Variants in DPP10 observed in about 807,000 individuals in gnomAD.
DPP10 encodes inactive dipeptidyl peptidase 10.
In DPP10, 33 loss-of-function variants were observed where a neutral mutation model predicts 120.9. The observed-to-expected ratio is 0.27, with a 90% CI of 0.21 to 0.37. The LOEUF (loss-of-function observed/expected upper bound fraction) is 0.37, where lower values mean the gene tolerates loss of function less well. Ranked by LOEUF, DPP10 falls within the 10% of genes least tolerant of loss-of-function variation. The pLI, the probability that DPP10 is intolerant of heterozygous loss-of-function variation, is 1.00. For missense variants in DPP10, 816 were observed against 942.8 expected, an observed-to-expected ratio of 0.87 and a Z score of 1.76; for synonymous variants, 337 against 326.1, an observed-to-expected ratio of 1.03 and a Z score of -0.36.
At chr2:115,178,765 GTATA>G (rs779822174) in intron 1 of DPP10, among the ~76,000 whole-genome samples, 11 of 152,268 alleles carry the variant, frequency 7.2e-5, no homozygotes, top group Non-Finnish European at 1.5e-4. Flanking sequence ...GAATATGTAT[GTATA>G]TATACATTTA....
intron 1 of DPP10, chr2:115,162,156 G>C: frequency 1.9e-6 from 3 of 1,542,120 alleles, no homozygotes; most frequent in Non-Finnish European, 8.7e-7. Context: ...CCCCGCCCCA[G>C]TTCCAGGCTC....
intron 1 of DPP10, among the ~76,000 whole-genome samples, chr2:114,463,865 C>G (rs944286298): frequency 5.3e-5 from 8 of 152,156 alleles, no homozygotes; most frequent in Non-Finnish European, 1.0e-4. Context: ...TCTGCCTTTT[C>G]CAGAATGTCG....
intron 23 of DPP10, 46 bp from the exon 24 acceptor site, chr2:115,836,628 G>C: frequency 6.2e-7 from 1 of 1,608,970 alleles, no homozygotes; most frequent in Non-Finnish European, 8.5e-7. Context: ...TAGTTAAATG[G>C]CTTATTTAGA....
At chr2:114,792,080 T>A (rs957498775) in intron 1 of DPP10, among the ~76,000 whole-genome samples, 1 of 152,188 alleles carries the variant, frequency 6.6e-6, no homozygotes, top group Non-Finnish European at 1.5e-5. Flanking sequence ...TTTTAGAAAA[T>A]TTTAACCTGT....
intron 1 of DPP10, among the ~76,000 whole-genome samples, chr2:114,750,282 C>T (rs1295620654): frequency 4.0e-5 from 6 of 151,414 alleles, no homozygotes; most frequent in South Asian, 2.1e-4. Flanking sequence ...AAAAACTGGT[C>T]TCACCCCAGA....
At chr2:114,469,677 G>C (rs1157094612) in intron 1 of DPP10, among the ~76,000 whole-genome samples, 1 of 152,128 alleles carries the variant, frequency 6.6e-6, no homozygotes. Context: ...GCAGTGAGCT[G>C]AGATTGCACC....
At chr2:115,711,376 G>C (rs1216166974) in intron 7 of DPP10, among the ~76,000 whole-genome samples, 1 of 152,110 alleles carries the variant, frequency 6.6e-6, no homozygotes, top group East Asian at 1.9e-4. Flanking sequence ...GATTGTCTTG[G>C]TTGACCTGGA....
intron 1 of DPP10, among the ~76,000 whole-genome samples, chr2:114,796,689 A>T (rs1424433893): frequency 6.6e-6 from 1 of 152,160 alleles, no homozygotes; most frequent in Admixed American, 6.5e-5. Context: ...TACTTACCCC[A>T]ATAGGAGCAT....
At chr2:115,275,367 A>G (rs1429783581) in intron 1 of DPP10, among the ~76,000 whole-genome samples, 1 of 152,212 alleles carries the variant, frequency 6.6e-6, no homozygotes, top group Non-Finnish European at 1.5e-5. Flanking sequence ...TATTTACATA[A>G]CGAATCTATC....
chr2:114,945,791 G>T (rs1397610084), intron 1 of DPP10, among the ~76,000 whole-genome samples: 1 of 152,120 alleles, frequency 6.6e-6, no homozygotes, highest in African/African-American at 2.4e-5. Flanking sequence ...ACTCCAGCCT[G>T]GGCAACACGA....
At chr2:114,831,084 ATGT>A (rs1449865898) in intron 1 of DPP10, among the ~76,000 whole-genome samples, 1 of 92,288 alleles carries the variant, frequency 1.1e-5, no homozygotes, top group African/African-American at 3.7e-5. Flanking sequence ...AACATCAGAA[ATGT>A]TGTATTAAAA....
intron 1 of DPP10, among the ~76,000 whole-genome samples, chr2:114,818,689 G>A (rs546099999): frequency 7.9e-5 from 12 of 152,106 alleles, no homozygotes; most frequent in African/African-American, 2.4e-4. Flanking sequence ...AATTTCAGTC[G>A]GTGTCGCTGT....
chr2:114,727,647 A>G (rs1342358353), intron 1 of DPP10, among the ~76,000 whole-genome samples: 2 of 152,072 alleles, frequency 1.3e-5, no homozygotes, highest in Non-Finnish European at 2.9e-5. Context: ...TCTTAGGAAA[A>G]CCAACACATT....
intron 1 of DPP10, among the ~76,000 whole-genome samples, chr2:115,300,519 A>C (rs1375635074): frequency 6.6e-6 from 1 of 152,054 alleles, no homozygotes; most frequent in Non-Finnish European, 1.5e-5. Flanking sequence ...CCTTTTGGCT[A>C]TTGTAAATAA....
At chr2:115,733,942 A>G (rs1177322333) in intron 8 of DPP10, among the ~76,000 whole-genome samples, 4 of 152,364 alleles carry the variant, frequency 2.6e-5, no homozygotes, top group Non-Finnish European at 4.4e-5. Flanking sequence ...AATATAATTA[A>G]CATTGGAAGT....
intron 1 of DPP10, among the ~76,000 whole-genome samples, chr2:114,519,945 AG>A (rs1448201488): frequency 6.6e-6 from 1 of 152,034 alleles, no homozygotes; most frequent in Admixed American, 6.6e-5. Context: ...GTTGTTATAA[AG>A]ATACTCACAC....
At chr2:114,651,638 T>C (rs1696590460) in intron 1 of DPP10, among the ~76,000 whole-genome samples, 1 of 152,092 alleles carries the variant, frequency 6.6e-6, no homozygotes, top group Admixed American at 6.6e-5. Flanking sequence ...CTAGAAACGG[T>C]TAATTAAGAT....
chr2:114,575,074 A>AT (rs2105042857), intron 1 of DPP10, among the ~76,000 whole-genome samples: 1 of 152,328 alleles, frequency 6.6e-6, no homozygotes, highest in South Asian at 2.1e-4. Flanking sequence ...ATTTATTAGT[A>AT]TTTGAGTTTT....
chr2:115,166,194 T>C (rs1017894060), intron 1 of DPP10, among the ~76,000 whole-genome samples: 2 of 152,154 alleles, frequency 1.3e-5, no homozygotes, highest in Admixed American at 1.3e-4. Context: ...AAAAGAGTTA[T>C]TCTTCCATGT....
Sources: allele counts gnomAD v4.1 joint callset (sites outside exome capture counted in the v4.1 genomes callset), GRCh38; gene constraint gnomAD v4.1.1; transcripts MANE v1.5; gene names NCBI Gene and HGNC (gene_info 2026-07-23, HGNC 2026-07-21).